SEMA6D: variants seen among roughly 807,000 people sequenced by gnomAD.
The protein encoded by SEMA6D is semaphorin 6D, also known as semaphorin-6D.
SEMA6D carries 35 observed loss-of-function variants against 106.6 expected under a neutral mutation model. The ratio of observed to expected loss-of-function variants is 0.33; its 90% CI spans 0.25 to 0.44. SEMA6D has a LOEUF of 0.44. Among genes scored for constraint, SEMA6D ranks in the 20% least tolerant of loss-of-function variants. The pLI is 1.00. For missense variants in SEMA6D, 1,185 were observed against 1,345.9 expected, an observed-to-expected ratio of 0.88 and a Z score of 1.87; for synonymous variants, 499 against 487.7, an observed-to-expected ratio of 1.02 and a Z score of -0.31.
chr15:47,567,243 A>T (rs192275656), intron 3 of SEMA6D, among the ~76,000 whole-genome samples: 265 of 152,320 alleles, frequency 1.7e-3, no homozygotes, highest in African/African-American at 6.2e-3. Context: ...ATGATAAAAC[A>T]AAAAGGATGT....
chr15:47,274,466 C>T (rs1169209342), intron 1 of SEMA6D: 2 of 152,052 alleles, frequency 1.3e-5, no homozygotes, highest in Non-Finnish European at 2.9e-5. Flanking sequence ...TGCTGTTCCT[C>T]CAGGGCACAA....
intron 4 of SEMA6D, among the ~76,000 whole-genome samples, chr15:47,643,898 C>T (rs945328767): frequency 1.3e-5 from 2 of 152,146 alleles, no homozygotes; most frequent in South Asian, 2.1e-4. Flanking sequence ...TAACCAACCT[C>T]TTCTTATTCT....
intron 3 of SEMA6D, among the ~76,000 whole-genome samples, chr15:47,484,802 TA>T (rs1208132309): frequency 1.2e-4 from 18 of 152,286 alleles, no homozygotes; most frequent in Admixed American, 1.0e-3. Context: ...TAAATAAAAA[TA>T]CAGCCTAAAT....
chr15:47,757,876 G>A (rs1052808348), intron 1 of SEMA6D, among the ~76,000 whole-genome samples: 6 of 152,090 alleles, frequency 3.9e-5, no homozygotes, highest in Non-Finnish European at 7.4e-5. Flanking sequence ...TTTCCTATGT[G>A]CCAGGCATTT....
chr15:47,460,764 G>A (rs1334086895), intron 2 of SEMA6D, among the ~76,000 whole-genome samples: 2 of 152,206 alleles, frequency 1.3e-5, no homozygotes, highest in East Asian at 1.9e-4. Context: ...ACAAATCCCA[G>A]TTTTGGTAAA....
intron 3 of SEMA6D, among the ~76,000 whole-genome samples, chr15:47,519,717 T>C (rs2044508548): frequency 6.6e-6 from 1 of 152,186 alleles, no homozygotes; most frequent in African/African-American, 2.4e-5. Flanking sequence ...CAAGTGACAA[T>C]GAACAATGTA....
At chr15:47,552,881 A>AATATATATATAAATATATATAAAT (rs1447208066) in intron 3 of SEMA6D, among the ~76,000 whole-genome samples, 2 of 14,338 alleles carry the variant, frequency 1.4e-4, no homozygotes. Context: ...TATATATATA[A>AATATATATATAAATATATATAAAT]ATATATATAA....
intron 6 of SEMA6D, 110 bp from the exon 7 acceptor site, chr15:47,761,551 G>T: frequency 8.0e-7 from 1 of 1,255,846 alleles, no homozygotes; most frequent in South Asian, 1.4e-5. Flanking sequence ...TGCAATGAAA[G>T]AATAAAGACA....
At chr15:47,507,360 C>G (rs559578165) in intron 3 of SEMA6D, among the ~76,000 whole-genome samples, 1 of 137,266 alleles carries the variant, frequency 7.3e-6, no homozygotes, top group Admixed American at 7.4e-5. Flanking sequence ...CCCCCCCGGG[C>G]CTTATATTCC....
At position 47,606,528 on chromosome 15, in the gene SEMA6D, T is replaced by C. The variant is rs1202649047; in HGVS notation, c.-55+5632T>C. Among the ~76,000 whole-genome samples, 2 of 152,198 alleles carry C rather than the reference T, an allele frequency of 1.3e-5. 1 individual carries two copies. The highest frequency in any genetic ancestry group is 2.9e-5 in the Non-Finnish European group (2 of 68,040). On this transcript the variant is annotated intron_variant, in intron 4 of 19. Coordinates refer to the SEMA6D transcript ENST00000558014. ...AGAAGTGACATGCCATCACTTCTGC[T>C]GTATTCTCTTGGTCACAAAGACCAA...
chr15:47,240,285 G>A (rs1236538247), intron 1 of SEMA6D, among the ~76,000 whole-genome samples: 1 of 152,162 alleles, frequency 6.6e-6, no homozygotes, highest in Non-Finnish European at 1.5e-5. Context: ...GAGGACCTCT[G>A]ATACAGAATC....
At chr15:47,546,613 A>T (rs1276034013) in intron 3 of SEMA6D, among the ~76,000 whole-genome samples, 1 of 152,022 alleles carries the variant, frequency 6.6e-6, no homozygotes, top group East Asian at 1.9e-4. Context: ...AAATAATGCC[A>T]TGGAACAGAG....
intron 1 of SEMA6D, among the ~76,000 whole-genome samples, chr15:47,355,740 C>T (rs2038539625): frequency 6.6e-6 from 1 of 152,198 alleles, no homozygotes; most frequent in Non-Finnish European, 1.5e-5. Context: ...TAGAGAACTG[C>T]TCTCTTAAAT....
At chr15:47,521,056 C>T (rs2044555750) in intron 3 of SEMA6D, among the ~76,000 whole-genome samples, 1 of 152,170 alleles carries the variant, frequency 6.6e-6, no homozygotes, top group Non-Finnish European at 1.5e-5. Context: ...AGAACTGCCT[C>T]CTCTCATAGG....
chr15:47,439,452 G>T (rs866500635), intron 2 of SEMA6D, among the ~76,000 whole-genome samples: 1 of 152,214 alleles, frequency 6.6e-6, no homozygotes, highest in African/African-American at 2.4e-5. Context: ...TTTGGCCTGA[G>T]CTGTGCCAAC....
intron 4 of SEMA6D, among the ~76,000 whole-genome samples, chr15:47,691,781 A>G (rs1022520276): frequency 6.6e-6 from 1 of 152,008 alleles, no homozygotes; most frequent in African/African-American, 2.4e-5. Context: ...AGTGCCCACC[A>G]TATGCCAGGT....
intron 3 of SEMA6D, among the ~76,000 whole-genome samples, chr15:47,504,373 G>T (rs1596176833): frequency 6.6e-6 from 1 of 152,222 alleles, no homozygotes. Flanking sequence ...AGCCTAGGCA[G>T]CCCTCTCTCT....
In SEMA6D at chr15:47,709,741, G is replaced by A. The variant is rs189974861; in HGVS notation, c.-54-50004G>A. Among the ~76,000 whole-genome samples the A allele has an allele frequency of 3.9e-3, 594 of 152,220 alleles. 5 individuals are homozygous for A. The highest frequency in any genetic ancestry group is 0.014 in the African/African-American group (575 of 41,538). ...AAATGTCAGCCCTTGTATATTTCTA[G>A]TGGTTTAACTTGAAAGGGCCAACTT... On this transcript the variant is annotated intron_variant, in intron 4 of 19. Transcript: ENST00000558014.
chr15:47,375,245 G>A (rs2145490403), intron 1 of SEMA6D, among the ~76,000 whole-genome samples: 1 of 152,260 alleles, frequency 6.6e-6, no homozygotes, highest in Middle Eastern at 3.4e-3. Context: ...ATAAATCTGA[G>A]GGTCTAGGAA....
Sources: allele counts gnomAD v4.1 joint callset (sites outside exome capture counted in the v4.1 genomes callset), GRCh38; gene constraint gnomAD v4.1.1; transcripts MANE v1.5; gene names NCBI Gene and HGNC (gene_info 2026-07-23, HGNC 2026-07-21).